Variants in HIF1A observed in about 807,000 individuals in gnomAD.
The protein encoded by HIF1A is hypoxia inducible factor 1 subunit alpha.
In HIF1A, 24 loss-of-function variants were observed where a neutral mutation model predicts 92.7. The observed-to-expected ratio is 0.26, with a 90% confidence interval of 0.19 to 0.36. The LOEUF is 0.36. HIF1A is among the 10% of genes least tolerant of loss of function. The pLI, the probability that HIF1A is intolerant of heterozygous loss-of-function variation, is 1.00. For synonymous variants in HIF1A, 319 were observed against 338.7 expected (o/e 0.94, Z 0.64); for missense variants, 799 against 998.5 (o/e 0.80, Z 2.69).
At chr14:61,743,540 G>A (rs1275491422) in intron 12 of HIF1A, among the ~76,000 whole-genome samples, 1 of 152,094 alleles carries the variant, frequency 6.6e-6, no homozygotes, top group African/African-American at 2.4e-5. Context: ...CAATATATCT[G>A]TATAAGAATT....
intron 1 of HIF1A, among the ~76,000 whole-genome samples, chr14:61,707,340 T>G (rs1018169460): frequency 1.3e-5 from 2 of 152,096 alleles, no homozygotes; most frequent in African/African-American, 4.8e-5. Context: ...AGTTTTAGGG[T>G]ACATGTGCAC....
chr14:61,696,679 A>C (rs1347837885), intron 1 of HIF1A, among the ~76,000 whole-genome samples: 1 of 152,222 alleles, frequency 6.6e-6, no homozygotes, highest in Admixed American at 6.5e-5. Flanking sequence ...AAATAATGAA[A>C]ATGTAGGGGC....
chr14:61,712,823 T>C (rs1419599462), intron 1 of HIF1A, among the ~76,000 whole-genome samples: 5 of 151,548 alleles, frequency 3.3e-5, no homozygotes, highest in African/African-American at 1.2e-4. Context: ...CGCACATCAC[T>C]ACTGAGAAGA....
At chr14:61,698,078 T>A in intron 1 of HIF1A, 2 of 487,644 alleles carry the variant, frequency 4.1e-6, no homozygotes, top group Non-Finnish European at 3.4e-6. Flanking sequence ...GTCAAGAGAG[T>A]AATGATTCTG....
At chr14:61,697,964 T>G in intron 1 of HIF1A, 1 of 1,446,732 alleles carries the variant, frequency 6.9e-7, no homozygotes, top group Non-Finnish European at 9.2e-7. Context: ...GGTATGGTTA[T>G]GATACTGTAG....
chr14:61,709,425 A>C (rs2044281678), intron 1 of HIF1A, among the ~76,000 whole-genome samples: 1 of 152,220 alleles, frequency 6.6e-6, no homozygotes, highest in Non-Finnish European at 1.5e-5. Flanking sequence ...TGGCTATTTC[A>C]GATGTGATAT....
intron 7 of HIF1A, among the ~76,000 whole-genome samples, chr14:61,733,131 G>A (rs571665163): frequency 6.6e-6 from 1 of 151,934 alleles, no homozygotes; most frequent in South Asian, 2.1e-4. Context: ...TCTCGCCCAG[G>A]CTGGAGTGCA....
intron 6 of HIF1A, among the ~76,000 whole-genome samples, chr14:61,731,424 C>A (rs778247640): frequency 6.6e-6 from 1 of 152,120 alleles, no homozygotes; most frequent in Non-Finnish European, 1.5e-5. Context: ...TCTCTGCCAG[C>A]GAGCTAGATA....
intron 1 of HIF1A, among the ~76,000 whole-genome samples, chr14:61,705,421 TAAAC>T (rs3062105): frequency 0.073 from 11,134 of 152,204 alleles, 516 homozygotes; most frequent in Middle Eastern, 0.16. Context: ...TTAACTCTAT[TAAAC>T]AAAGCACTGC....
At chr14:61,721,463 T>C (rs776561249) in intron 2 of HIF1A, 46 bp from the exon 3 acceptor site, 4 of 1,505,630 alleles carry the variant, frequency 2.7e-6, no homozygotes, top group Middle Eastern at 1.7e-4. Flanking sequence ...ATCATTTAAG[T>C]ACAACTTTTT....
At chr14:61,696,781 T>C (rs1208801984) in intron 1 of HIF1A, among the ~76,000 whole-genome samples, 2 of 152,220 alleles carry the variant, frequency 1.3e-5, no homozygotes, top group Non-Finnish European at 2.9e-5. Flanking sequence ...ATTTTCGAAC[T>C]CTGTCTCATT....
At chr14:61,727,226 C>T (rs971725509) in intron 5 of HIF1A, among the ~76,000 whole-genome samples, 3 of 152,066 alleles carry the variant, frequency 2.0e-5, no homozygotes, top group East Asian at 3.9e-4. Flanking sequence ...AGACTTTATA[C>T]GAGGGGAATT....
At chr14:61,706,462 A>T (rs111869789) in intron 1 of HIF1A, among the ~76,000 whole-genome samples, 1 of 152,212 alleles carries the variant, frequency 6.6e-6, no homozygotes, top group African/African-American at 2.4e-5. Flanking sequence ...TCTTATTCTT[A>T]GCAATTATAC....
chr14:61,707,560 G>A (rs191968552), intron 1 of HIF1A, among the ~76,000 whole-genome samples: 22 of 151,908 alleles, frequency 1.4e-4, no homozygotes, highest in African/African-American at 4.8e-4. Flanking sequence ...CGCGGTGTTT[G>A]GTTTTTTGTC....
At chr14:61,729,381 G>A (rs2044546337) in intron 6 of HIF1A, among the ~76,000 whole-genome samples, 1 of 151,628 alleles carries the variant, frequency 6.6e-6, no homozygotes, top group Non-Finnish European at 1.5e-5. Context: ...AGAATTGCTT[G>A]AATCCAGGAG....
chr14:61,737,734 A>G (rs1038869685), intron 9 of HIF1A, among the ~76,000 whole-genome samples: 2 of 152,182 alleles, frequency 1.3e-5, no homozygotes, highest in Non-Finnish European at 2.9e-5. Flanking sequence ...TTTATATGTG[A>G]AAATCCTTGT....
At chr14:61,699,828 C>CTTCT (rs1269032169) in intron 1 of HIF1A, among the ~76,000 whole-genome samples, 1 of 152,102 alleles carries the variant, frequency 6.6e-6, no homozygotes, top group Non-Finnish European at 1.5e-5. Flanking sequence ...ACAAGCCAAG[C>CTTCT]TTCTTGTTGC....
At chr14:61,726,603 G>T in intron 4 of HIF1A, 103 bp from the exon 5 acceptor site, 1 of 629,098 alleles carries the variant, frequency 1.6e-6, no homozygotes, top group Non-Finnish European at 2.8e-6. Context: ...AGACTTAATT[G>T]AACGGGTATT....
At chr14:61,740,731 A>C in intron 11 of HIF1A, 24 bp from the exon 12 acceptor site, 1 of 1,582,524 alleles carries the variant, frequency 6.3e-7, no homozygotes, top group South Asian at 1.2e-5. Flanking sequence ...CATTGTAAAA[A>C]CTCATGTATT....
Sources: allele counts gnomAD v4.1 joint callset (sites outside exome capture counted in the v4.1 genomes callset), GRCh38; gene constraint gnomAD v4.1.1; transcripts MANE v1.5; gene names NCBI Gene and HGNC (gene_info 2026-07-23, HGNC 2026-07-21).